OSBP2: variants seen among roughly 807,000 people sequenced by gnomAD.
OSBP2 encodes oxysterol-binding protein 2.
A neutral mutation model predicts 96.0 loss-of-function variants in OSBP2; 66 were observed. The observed-to-expected ratio is 0.69, with a 90% CI of 0.56 to 0.84. OSBP2 has a LOEUF of 0.84. Ranked by LOEUF, OSBP2 falls within the 40% of genes least tolerant of loss-of-function variation. The pLI is 0.00. For missense variants in OSBP2, 1,038 were observed against 1,222.7 expected (o/e 0.85, Z 2.25); for synonymous variants, 525 against 520.9 (o/e 1.01, Z -0.11).
chr22:30,875,061 G>C (rs2039548439), intron 3 of OSBP2, among the ~76,000 whole-genome samples: 1 of 152,190 alleles, frequency 6.6e-6, no homozygotes, highest in South Asian at 2.1e-4. Context: ...TGTGTCTCTA[G>C]ATAAAGCACT....
Position 30,870,070 on chromosome 22 carries a change from C to T in OSBP2, c.854-359C>T, listed in dbSNP as rs899627474. 1.6e-4 allele frequency among the ~76,000 whole-genome samples: 25 copies of T among 152,212 alleles called. No homozygotes were observed. The highest frequency in any genetic ancestry group is 5.8e-4 in the African/African-American group (24 of 41,470). On this transcript the variant is annotated intron_variant, in intron 2 of 13. Transcript: ENST00000332585. This position sits in a 1 kb window ranked among gnomAD's most constrained non-coding sequence, Gnocchi z 4.1. ...CCAGAGAGCAGTCTCCACCTCTCCA[C>T]CCAGCAGAGCCCATCCTTCCCTGCA...
chr22:30,897,610 T>C (rs1170610782), intron 12 of OSBP2, among the ~76,000 whole-genome samples: 1 of 152,062 alleles, frequency 6.6e-6, no homozygotes, highest in African/African-American at 2.4e-5. Flanking sequence ...TAAATTAGAA[T>C]GAAAAAATGC....
intron 2 of OSBP2, among the ~76,000 whole-genome samples, chr22:30,808,941 G>A (rs1280274472): frequency 1.3e-5 from 2 of 152,034 alleles, no homozygotes; most frequent in South Asian, 2.1e-4. Context: ...GTGACAGAGC[G>A]AGACTCCGTC....
intron 2 of OSBP2, among the ~76,000 whole-genome samples, chr22:30,794,446 G>C (rs913426568): frequency 1.3e-5 from 2 of 151,672 alleles, no homozygotes; most frequent in African/African-American, 2.4e-5. Flanking sequence ...TATATTTTTA[G>C]TAGAGACAGG....
chr22:30,865,619 A>G (rs2039319424), intron 2 of OSBP2, among the ~76,000 whole-genome samples: 3 of 141,612 alleles, frequency 2.1e-5, no homozygotes, highest in Non-Finnish European at 4.6e-5. Flanking sequence ...GTGACAAAGC[A>G]AGACTCCATC....
chr22:30,875,479 T>C lies in OSBP2; in HGVS notation c.1107+4797T>C, dbSNP rs185232750. Among the ~76,000 whole-genome samples, 971 of 152,042 alleles carry C rather than the reference T, an allele frequency of 6.4e-3. 8 individuals are homozygous for C. Among genetic ancestry groups the C allele is most frequent in the African/African-American group, 0.021 (890 of 41,482 alleles). ...CCTCGGCCTCCCAGGTTCAAGCTATTCTCTTGCCTCAGCCTCCTGAGTAGC... is the reference window on the plus strand; with the variant it reads ...CCTCGGCCTCCCAGGTTCAAGCTATCCTCTTGCCTCAGCCTCCTGAGTAGC... On this transcript the variant is annotated intron_variant, in intron 3 of 13. Transcript: ENST00000332585.
chr22:30,900,250 A>T (rs1416642421), intron 12 of OSBP2, among the ~76,000 whole-genome samples: 1 of 150,986 alleles, frequency 6.6e-6, no homozygotes, highest in Non-Finnish European at 1.5e-5. Flanking sequence ...GCGAAACTCC[A>T]TCTCAAAAAA....
At chr22:30,715,674 C>T (rs924214109) in intron 1 of OSBP2, among the ~76,000 whole-genome samples, 2 of 151,766 alleles carry the variant, frequency 1.3e-5, no homozygotes, top group African/African-American at 4.8e-5. Flanking sequence ...GCCTCAGCCT[C>T]CCAGGTAGCT....
intron 2 of OSBP2, chr22:30,764,391 A>T (rs943306104): frequency 5.1e-6 from 5 of 985,268 alleles, no homozygotes; most frequent in Non-Finnish European, 6.0e-6. Context: ...ATCCTCTAAC[A>T]GGTAGGACTT....
intron 2 of OSBP2, among the ~76,000 whole-genome samples, chr22:30,782,361 A>G (rs2090529358): frequency 6.6e-6 from 1 of 151,722 alleles, no homozygotes; most frequent in South Asian, 2.1e-4. Context: ...GATCGTTTGC[A>G]TTTTCTAGGA....
intron 2 of OSBP2, among the ~76,000 whole-genome samples, chr22:30,747,556 A>G (rs559739428): frequency 6.6e-6 from 1 of 152,304 alleles, no homozygotes; most frequent in Admixed American, 6.5e-5. Context: ...CACACGTATA[A>G]AATTATCTTA....
intron 2 of OSBP2, among the ~76,000 whole-genome samples, chr22:30,813,107 C>T (rs1409209176): frequency 6.6e-6 from 1 of 151,258 alleles, no homozygotes; most frequent in African/African-American, 2.4e-5. Context: ...CATGTCTATC[C>T]ATCAGAGGCT....
intron 2 of OSBP2, among the ~76,000 whole-genome samples, chr22:30,867,185 C>T (rs1057002231): frequency 5.9e-5 from 9 of 152,216 alleles, no homozygotes; most frequent in African/African-American, 2.2e-4. Context: ...CCCTTCCTGG[C>T]CTCTCTGTCC....
At position 30,906,373 on chromosome 22, in the gene OSBP2, C is replaced by A; in HGVS notation, c.*34C>A. 2 of 1,557,384 alleles carry A rather than the reference C, an allele frequency of 1.3e-6. No individual in the cohort carries two copies. The highest frequency in any genetic ancestry group is 2.5e-5 in the South Asian group (2 of 81,316). On this transcript the variant is annotated 3_prime_UTR_variant, in exon 14 of 14. Coordinates refer to ENST00000332585, the MANE Select transcript of OSBP2 (RefSeq NM_030758.4). ...CTTGCAACAAATACAGGCGCCTGCA[C>A]AGCCTGGCCCACCTGTTCATTAATG...
chr22:30,881,845 TC>T lies in OSBP2; in HGVS notation c.1108-5579del, dbSNP rs2039710998. 24 of 1,300,740 alleles carry T rather than the reference TC, an allele frequency of 1.8e-5. No homozygotes were observed. The Middle Eastern group carries it at 6.7e-4, about 36-fold the overall frequency. The allele number at this position is 1,300,740 out of a possible 1,614,324, so 80.6% of individuals were successfully genotyped here. Reference sequence around the variant, plus strand: ...GGGGGAGGTGGACGGGCTCTCTGCATCCATGGGGTGACCAGGCAGCTCATGT... The same window carrying T: ...GGGGGAGGTGGACGGGCTCTCTGCATCATGGGGTGACCAGGCAGCTCATGT... On this transcript the variant is annotated intron_variant, in intron 3 of 13. Coordinates refer to ENST00000332585, the MANE Select transcript of OSBP2 (RefSeq NM_030758.4). This position sits in a 1 kb window ranked among gnomAD's most constrained non-coding sequence, Gnocchi z 4.5.
chr22:30,839,722 A>T (rs1364017306), intron 2 of OSBP2, among the ~76,000 whole-genome samples: 1 of 151,114 alleles, frequency 6.6e-6, no homozygotes, highest in Non-Finnish European at 1.5e-5. Flanking sequence ...GTTTGAGTTC[A>T]TTGTAGATTC....
intron 1 of OSBP2, among the ~76,000 whole-genome samples, chr22:30,704,192 C>T (rs2089209475): frequency 6.6e-6 from 1 of 152,200 alleles, no homozygotes; most frequent in Admixed American, 6.5e-5. Flanking sequence ...ATGGCAAAAA[C>T]TGTGATTACC....
At chr22:30,874,632 C>T (rs1396265300) in intron 3 of OSBP2, among the ~76,000 whole-genome samples, 1 of 152,176 alleles carries the variant, frequency 6.6e-6, no homozygotes, top group Non-Finnish European at 1.5e-5. Flanking sequence ...TGCAGCCATC[C>T]TCACCTCATA....
intron 2 of OSBP2, chr22:30,822,828 C>G: frequency 1.2e-6 from 1 of 852,088 alleles, no homozygotes; most frequent in South Asian, 2.6e-5. Context: ...TCCCTCGCGG[C>G]GTGGGGAGCG....
Sources: gnomAD v4.1 joint callset for allele counts (sites outside exome capture counted in the v4.1 genomes callset) on GRCh38, gnomAD v4.1.1 for gene constraint, Gnocchi (gnomAD v3.1) non-coding constraint, MANE v1.5 for transcripts, NCBI Gene and HGNC (gene_info 2026-07-23, HGNC 2026-07-21) for gene names.